Variants in IMMP2L observed in about 807,000 individuals in gnomAD.
IMMP2L encodes inner mitochondrial membrane peptidase subunit 2, also known as mitochondrial inner membrane protease subunit 2.
IMMP2L carries 18 observed loss-of-function variants against 19.3 expected under a neutral mutation model. The observed-to-expected ratio is 0.93, with a 90% confidence interval of 0.64 to 1.38. The LOEUF is 1.38. IMMP2L is among the 40% of genes most tolerant of loss of function. The pLI is 0.00. For missense variants in IMMP2L, 233 were observed against 218.2 expected (o/e 1.07, Z -0.43); for synonymous variants, 76 against 73.0 (o/e 1.04, Z -0.21).
At chr7:111,261,827 T>A (rs1817338273) in intron 3 of IMMP2L, among the ~76,000 whole-genome samples, 2 of 152,152 alleles carry the variant, frequency 1.3e-5, no homozygotes, top group South Asian at 4.1e-4. Context: ...AGAAAGGGAC[T>A]GCATTGAGGT....
intron 3 of IMMP2L, among the ~76,000 whole-genome samples, chr7:111,423,742 A>G (rs1231520253): frequency 6.6e-6 from 1 of 151,866 alleles, no homozygotes; most frequent in Non-Finnish European, 1.5e-5. Flanking sequence ...CATCACAATT[A>G]AAAGAACTAG....
At chr7:111,077,135 T>C (rs148118034) in intron 3 of IMMP2L, among the ~76,000 whole-genome samples, 14 of 152,322 alleles carry the variant, frequency 9.2e-5, no homozygotes, top group Admixed American at 8.5e-4. Flanking sequence ...TGCATAGTTA[T>C]ATTTTTGCAA....
At chr7:111,268,547 A>G (rs1476867688) in intron 3 of IMMP2L, among the ~76,000 whole-genome samples, 2 of 131,502 alleles carry the variant, frequency 1.5e-5, no homozygotes, top group Non-Finnish European at 3.2e-5. Context: ...GGGTAGAGAT[A>G]TGAGTTAAAC....
At chr7:110,702,139 T>C (rs1385801906) in intron 5 of IMMP2L, among the ~76,000 whole-genome samples, 1 of 151,888 alleles carries the variant, frequency 6.6e-6, no homozygotes, top group Admixed American at 6.6e-5. Context: ...TTCACCGTGT[T>C]GCCCAGGCTG....
chr7:110,704,417 G>C (rs778569483), intron 5 of IMMP2L, among the ~76,000 whole-genome samples: 3 of 152,134 alleles, frequency 2.0e-5, no homozygotes, highest in Admixed American at 6.5e-5. Context: ...AATGCATGAT[G>C]TAACTATAAG....
At chr7:111,030,882 G>GTA (rs1433075786) in intron 3 of IMMP2L, among the ~76,000 whole-genome samples, 3 of 50,774 alleles carry the variant, frequency 5.9e-5, no homozygotes, top group Admixed American at 2.8e-4. Flanking sequence ...GTGTGTGTGT[G>GTA]TGTATATATA....
chr7:110,851,219 A>C (rs144902661), intron 5 of IMMP2L, among the ~76,000 whole-genome samples: 1 of 152,276 alleles, frequency 6.6e-6, no homozygotes, highest in African/African-American at 2.4e-5. Context: ...TCTAAAACTT[A>C]TTTTAGCAAT....
At chr7:111,407,967 C>T (rs1247952360) in intron 3 of IMMP2L, among the ~76,000 whole-genome samples, 1 of 151,970 alleles carries the variant, frequency 6.6e-6, no homozygotes, top group African/African-American at 2.4e-5. Flanking sequence ...TAATCTTCAA[C>T]ACAATCCTAC....
intron 2 of IMMP2L, among the ~76,000 whole-genome samples, chr7:111,495,441 T>C (rs1047555964): frequency 1.2e-4 from 18 of 152,202 alleles, no homozygotes; most frequent in African/African-American, 4.3e-4. Flanking sequence ...AATCTGCTTT[T>C]GGAACAAGCA....
intron 3 of IMMP2L, among the ~76,000 whole-genome samples, chr7:111,351,059 T>C (rs2130884651): frequency 6.6e-6 from 1 of 152,336 alleles, no homozygotes; most frequent in South Asian, 2.1e-4. Context: ...TTGATTTTGA[T>C]GTGAAAGTAA....
intron 3 of IMMP2L, among the ~76,000 whole-genome samples, chr7:111,458,574 T>G (rs1350927358): frequency 6.6e-6 from 1 of 152,086 alleles, no homozygotes; most frequent in African/African-American, 2.4e-5. Context: ...AGTTCTTTAC[T>G]CCACAATTTC....
intron 3 of IMMP2L, among the ~76,000 whole-genome samples, chr7:111,394,203 G>A (rs1832657188): frequency 1.3e-5 from 2 of 151,966 alleles, no homozygotes; most frequent in South Asian, 4.1e-4. Flanking sequence ...ATAAGACAAA[G>A]ATAAAATAAA....
Position 110,730,584 on chromosome 7 carries a change from A to AG in IMMP2L, c.409-66864_409-66863insC, listed in dbSNP as rs1318567869. Among the ~76,000 whole-genome samples, 989 of 148,826 alleles carry AG rather than the reference A, an allele frequency of 6.6e-3. 9 individuals are homozygous for AG. The highest frequency in any genetic ancestry group is 0.011 in the Admixed American group (168 of 14,856). On this transcript the variant is annotated intron_variant, in intron 5 of 5. Transcript: ENST00000405709. ...CGCTCTGTTGCCCAGGCTGGAGTGC[A>AG]TGCCATCTCGGCTCACTGCAAGCTC...
intron 2 of IMMP2L, among the ~76,000 whole-genome samples, chr7:111,495,027 A>G (rs1268363165): frequency 6.6e-6 from 1 of 152,116 alleles, no homozygotes; most frequent in African/African-American, 2.4e-5. Context: ...GCCTCTATAA[A>G]TTAATCCAAA....
At chr7:110,820,060 T>C (rs759656357) in intron 5 of IMMP2L, among the ~76,000 whole-genome samples, 18 of 152,088 alleles carry the variant, frequency 1.2e-4, no homozygotes, top group Non-Finnish European at 1.8e-4. Context: ...CCACTTATTA[T>C]GGCAGATGAT....
chr7:111,397,162 T>C (rs970944410), intron 3 of IMMP2L, among the ~76,000 whole-genome samples: 2 of 152,162 alleles, frequency 1.3e-5, no homozygotes, highest in African/African-American at 4.8e-5. Flanking sequence ...AATATTTACA[T>C]TCTCTGTAGT....
intron 3 of IMMP2L, among the ~76,000 whole-genome samples, chr7:111,105,240 A>C (rs1798415758): frequency 6.6e-6 from 1 of 151,884 alleles, no homozygotes; most frequent in Admixed American, 6.6e-5. Context: ...TAGGCTGAAA[A>C]ATTACAAAAC....
chr7:110,954,371 T>A (rs151214692), intron 4 of IMMP2L, among the ~76,000 whole-genome samples: 1 of 152,200 alleles, frequency 6.6e-6, no homozygotes, highest in Non-Finnish European at 1.5e-5. Flanking sequence ...ACTATAAACT[T>A]TAAAAGGGCA....
intron 3 of IMMP2L, among the ~76,000 whole-genome samples, chr7:111,031,934 ATTT>A (rs57560784): frequency 1.5e-4 from 16 of 108,066 alleles, no homozygotes; most frequent in Admixed American, 2.2e-4. Flanking sequence ...AACACCAGAG[ATTT>A]TTTTTTTTTT....
Sources: gnomAD v4.1 joint callset for allele counts (sites outside exome capture counted in the v4.1 genomes callset) on GRCh38, gnomAD v4.1.1 for gene constraint, MANE v1.5 for transcripts, NCBI Gene and HGNC (gene_info 2026-07-23, HGNC 2026-07-21) for gene names.